The following ROBO2 variants were observed in gnomAD, a reference collection of about 807,000 sequenced individuals.
ROBO2 encodes roundabout guidance receptor 2.
A neutral mutation model predicts 160.8 loss-of-function variants in ROBO2; 53 were observed. That is an observed-to-expected ratio of 0.33 (90% CI 0.26 to 0.41). ROBO2 has a LOEUF of 0.41. Ranked by LOEUF, ROBO2 falls within the 10% of genes least tolerant of loss-of-function variation. The pLI is 1.00. For missense variants in ROBO2, 1,577 were observed against 1,722.4 expected (o/e 0.92, Z 1.49); for synonymous variants, 664 against 611.7 (o/e 1.09, Z -1.26).
At chr3:76,627,930 T>C (rs1011502477) in intron 2 of ROBO2, among the ~76,000 whole-genome samples, 1 of 152,172 alleles carries the variant, frequency 6.6e-6, no homozygotes, top group Non-Finnish European at 1.5e-5. Flanking sequence ...AAACTAAGTC[T>C]AGAAACAAAT....
chr3:76,508,320 T>C (rs919698912), intron 2 of ROBO2, among the ~76,000 whole-genome samples: 3 of 152,116 alleles, frequency 2.0e-5, no homozygotes, highest in African/African-American at 7.2e-5. Flanking sequence ...CTTTTAACCA[T>C]TGGCAACATG....
At chr3:77,492,543 A>G (rs1412471725) in intron 4 of ROBO2, among the ~76,000 whole-genome samples, 2 of 152,140 alleles carry the variant, frequency 1.3e-5, no homozygotes, top group African/African-American at 2.4e-5. Flanking sequence ...AAAACATAAA[A>G]TTAAGTAAAA....
chr3:77,313,372 G>C (rs1283318608), intron 2 of ROBO2, among the ~76,000 whole-genome samples: 2 of 152,058 alleles, frequency 1.3e-5, no homozygotes, highest in African/African-American at 4.8e-5. Context: ...TTTGTGTTGG[G>C]AATATTCCGT....
chr3:76,661,646 G>C (rs987663894), intron 2 of ROBO2, among the ~76,000 whole-genome samples: 3 of 152,232 alleles, frequency 2.0e-5, no homozygotes, highest in East Asian at 1.9e-4. Context: ...GAGTTGTTTC[G>C]TCCAAAGAGT....
chr3:77,420,256 C>CT (rs5850330), intron 2 of ROBO2, among the ~76,000 whole-genome samples: 21,270 of 148,244 alleles, frequency 0.14, 1,617 homozygotes, highest in East Asian at 0.29. Context: ...TTACAGATGA[C>CT]TTTTTTTTTT....
rs1360251631 is a variant in ROBO2, at chr3:77,583,165, A to G, written c.2500+3047A>G. Among the ~76,000 whole-genome samples, 3 of 151,602 alleles carry G rather than the reference A, an allele frequency of 2.0e-5. No individual in the cohort carries two copies. The East Asian group carries it at 5.9e-4, about 30-fold the overall frequency. ...ACTCTGTCTCTCCAAAAAAAAAAAA[A>G]AAAAAAAAAGGAAAAAACATTTTCA... On this transcript the variant is annotated intron_variant, in intron 16 of 25. Coordinates refer to ENST00000461745, the Ensembl canonical transcript of ROBO2.
chr3:76,948,895 TATATATATA>T (rs2078756445), intron 2 of ROBO2, among the ~76,000 whole-genome samples: 1 of 28,806 alleles, frequency 3.5e-5, no homozygotes, highest in African/African-American at 1.5e-4. Flanking sequence ...TATATATATA[TATATATATA>T]TATATTTTTT....
chr3:76,743,580 C>A (rs1331461733), intron 2 of ROBO2, among the ~76,000 whole-genome samples: 1 of 151,954 alleles, frequency 6.6e-6, no homozygotes, highest in Non-Finnish European at 1.5e-5. Context: ...TTTCTACTTT[C>A]TGCAGTGAAT....
At chr3:77,257,918 T>C (rs765233265) in intron 2 of ROBO2, among the ~76,000 whole-genome samples, 2 of 152,254 alleles carry the variant, frequency 1.3e-5, no homozygotes, top group Non-Finnish European at 2.9e-5. Flanking sequence ...CATTTTAACC[T>C]ATCTGATAAG....
intron 2 of ROBO2, among the ~76,000 whole-genome samples, chr3:76,727,862 A>G (rs2093577443): frequency 6.6e-6 from 1 of 152,086 alleles, no homozygotes; most frequent in Non-Finnish European, 1.5e-5. Flanking sequence ...TATAGTTAAC[A>G]ACAATGTATG....
intron 2 of ROBO2, among the ~76,000 whole-genome samples, chr3:77,201,662 C>G (rs543655498): frequency 4.9e-4 from 75 of 152,052 alleles, no homozygotes; most frequent in Non-Finnish European, 9.6e-4. Flanking sequence ...TGCAATAGGG[C>G]ATTTATTTCT....
chr3:76,549,683 G>A lies in ROBO2; in HGVS notation c.110-548331G>A, dbSNP rs144977213. ...TCAATAACGTAGTGACGCATCTTAG[G>A]GATAGTGGATTCAGTTTCTCCAGAA... On this transcript the variant is annotated intron_variant, in intron 2 of 26. Coordinates refer to the ROBO2 transcript ENST00000487694. Among the ~76,000 whole-genome samples, 384 of 152,236 alleles carry A rather than the reference G, an allele frequency of 2.5e-3. 2 individuals carry two copies. Among genetic ancestry groups the A allele is most frequent in the African/African-American group, 9.1e-3 (376 of 41,544 alleles).
At chr3:76,545,646 C>T (rs902869038) in intron 2 of ROBO2, among the ~76,000 whole-genome samples, 2 of 152,034 alleles carry the variant, frequency 1.3e-5, no homozygotes, top group Admixed American at 6.6e-5. Context: ...AAATATCTTT[C>T]TATCATCATA....
intron 2 of ROBO2, among the ~76,000 whole-genome samples, chr3:76,083,484 A>G (rs1004365758): frequency 6.6e-6 from 1 of 152,100 alleles, no homozygotes; most frequent in Non-Finnish European, 1.5e-5. Context: ...TTTGTTTTTT[A>G]GCAACAGCAT....
Position 76,309,817 on chromosome 3 carries a change from A to G in ROBO2, c.109+372215A>G, listed in dbSNP as rs149814168. Among the ~76,000 whole-genome samples the G allele has an allele frequency of 2.6e-4, 40 of 152,172 alleles. 2 individuals are homozygous for G. In the East Asian group the frequency reaches 6.0e-3, roughly 23 times the overall value. On this transcript the variant is annotated intron_variant, in intron 2 of 26. Transcript: ENST00000487694. ...AGGTGGCAAAGATTCTATCATTTTTATTAATTATTATTGTTACTATTATTG... is the reference window on the plus strand; with the variant it reads ...AGGTGGCAAAGATTCTATCATTTTTGTTAATTATTATTGTTACTATTATTG...
intron 2 of ROBO2, among the ~76,000 whole-genome samples, chr3:76,259,698 T>C (rs184243226): frequency 1.3e-5 from 2 of 152,184 alleles, no homozygotes; most frequent in East Asian, 1.9e-4. Context: ...TTATAAGAAG[T>C]GGTGGTTTCC....
chr3:77,350,101 A>G (rs1406164857), intron 2 of ROBO2, among the ~76,000 whole-genome samples: 1 of 150,996 alleles, frequency 6.6e-6, no homozygotes, highest in Non-Finnish European at 1.5e-5. Context: ...ACACATTCAT[A>G]TATATATAAT....
chr3:77,545,171 T>C lies in ROBO2; in HGVS notation c.935-1167T>C, dbSNP rs143058886. Among the ~76,000 whole-genome samples, 945 of 152,180 alleles carry C rather than the reference T, an allele frequency of 6.2e-3. 8 individuals carry two copies. Among genetic ancestry groups the C allele is most frequent in the African/African-American group, 0.021 (893 of 41,552 alleles). On this transcript the variant is annotated intron_variant, in intron 6 of 25. Coordinates refer to ENST00000461745, the Ensembl canonical transcript of ROBO2. ...GGTTAAAGCTGCCAAAAATTACTTT[T>C]GCATCTGTCACTTTTCAGCTTAGAA...
Position 77,493,176 on chromosome 3 carries a change from T to A in ROBO2, c.668-68T>A, listed in dbSNP as rs894923862. ...GTAAATTAGGTTTCCTTTGCTTTTT[T>A]CATAATGTACTTAAAGCATGCATAA... On this transcript the variant is annotated intron_variant, in intron 4 of 25. Transcript: ENST00000461745. 11 of 1,553,772 alleles carry A rather than the reference T, an allele frequency of 7.1e-6. 1 individual carries two copies. In the African/African-American group the frequency reaches 1.4e-4, roughly 19 times the overall value.
Sources: allele counts gnomAD v4.1 joint callset (sites outside exome capture counted in the v4.1 genomes callset), GRCh38; gene constraint gnomAD v4.1.1; transcripts MANE v1.5; gene names NCBI Gene and HGNC (gene_info 2026-07-23, HGNC 2026-07-21).